EML6: variants seen among roughly 807,000 people sequenced by gnomAD.
The protein encoded by EML6 is echinoderm microtubule-associated protein-like 6.
In EML6, 154 loss-of-function variants were observed where a neutral mutation model predicts 240.1. The observed-to-expected ratio is 0.64, with a 90% CI of 0.56 to 0.73. The LOEUF (loss-of-function observed/expected upper bound fraction) is 0.73. Among genes scored for constraint, EML6 ranks in the 30% least tolerant of loss-of-function variants. The probability of loss-of-function intolerance (pLI) is 0.00; values close to 1 mark genes in which losing one functional copy is unlikely to be tolerated. For synonymous variants in EML6, 1,148 were observed against 899.0 expected (o/e 1.28, Z -4.95); for missense variants, 2,964 against 2,474.6 (o/e 1.20, Z -4.20).
intron 28 of EML6, among the ~76,000 whole-genome samples, chr2:54,941,567 G>T (rs949786667): frequency 2.6e-5 from 4 of 152,224 alleles, no homozygotes; most frequent in Admixed American, 2.6e-4. Flanking sequence ...ACCATATAGA[G>T]ATTGATGAAA....
chr2:54,733,308 A>T (rs1244212884), intron 2 of EML6, among the ~76,000 whole-genome samples: 2 of 152,192 alleles, frequency 1.3e-5, no homozygotes, highest in East Asian at 3.8e-4. Context: ...CCAGGAAAAC[A>T]TTTTTCTGTG....
At chr2:54,950,388 C>T (rs1675913566) in intron 29 of EML6, among the ~76,000 whole-genome samples, 1 of 152,216 alleles carries the variant, frequency 6.6e-6, no homozygotes, top group Admixed American at 6.5e-5. Flanking sequence ...ACTGACAGAG[C>T]CAGGAAGTAA....
chr2:54,869,755 A>G (rs984940915), intron 15 of EML6, among the ~76,000 whole-genome samples: 3 of 152,208 alleles, frequency 2.0e-5, no homozygotes, highest in Admixed American at 6.5e-5. Context: ...GTATAATTAT[A>G]TTTGTAAGAC....
In EML6 at chr2:54,972,017, G is replaced by A. The variant is rs545697871; in HGVS notation, c.*1922G>A. On this transcript the variant is annotated 3_prime_UTR_variant, in exon 42 of 42. Coordinates refer to ENST00000356458, the MANE Select transcript of EML6 (RefSeq NM_001039753.4). ...TATGTGTCAAATAAAATTTGATTAT[G>A]TAAACACATTTGTTGACTTTTGTTT... The A allele has an allele frequency of 6.6e-6, 1 of 151,654 alleles. No individual in the cohort carries two copies. Among genetic ancestry groups the A allele is most frequent in the African/African-American group, 2.4e-5 (1 of 41,528 alleles). The allele number at this position is 151,654 out of a possible 1,614,324, so 9.4% of individuals were successfully genotyped here. A position where few individuals can be genotyped will look rare whatever the true frequency, so the allele number is the denominator to read the frequency against.
chr2:54,821,855 T>G (rs1219752116), intron 5 of EML6, among the ~76,000 whole-genome samples: 1 of 152,042 alleles, frequency 6.6e-6, no homozygotes, highest in Non-Finnish European at 1.5e-5. Flanking sequence ...AACTATAAAA[T>G]AACTAGAGGA....
intron 2 of EML6, among the ~76,000 whole-genome samples, chr2:54,799,013 A>G (rs149094322): frequency 6.6e-6 from 1 of 152,328 alleles, no homozygotes; most frequent in Non-Finnish European, 1.5e-5. Context: ...CAGCAAATCT[A>G]CATCTATTGA....
intron 2 of EML6, among the ~76,000 whole-genome samples, chr2:54,793,898 A>G (rs1165054720): frequency 6.6e-6 from 1 of 152,122 alleles, no homozygotes; most frequent in Non-Finnish European, 1.5e-5. Context: ...TCAATAGCCT[A>G]CTAGGAGACA....
chr2:54,731,621 A>AG (rs145531196), intron 2 of EML6, among the ~76,000 whole-genome samples: 2 of 151,454 alleles, frequency 1.3e-5, no homozygotes, highest in Non-Finnish European at 2.9e-5. Flanking sequence ...TGTCAAAAAA[A>AG]ATATATATAT....
At chr2:54,911,632 T>A (rs1246686475) in intron 25 of EML6, among the ~76,000 whole-genome samples, 1 of 152,096 alleles carries the variant, frequency 6.6e-6, no homozygotes, top group Non-Finnish European at 1.5e-5. Flanking sequence ...AGATGGGGTT[T>A]CCCCATGTTG....
chr2:54,953,905 C>A, intron 31 of EML6, 78 bp from the exon 32 acceptor site: 17 of 984,314 alleles, frequency 1.7e-5, no homozygotes, highest in Non-Finnish European at 2.3e-5. Context: ...AAAAAAAAGG[C>A]TTTTACATGA....
At chr2:54,743,942 G>T (rs1302011883) in intron 2 of EML6, among the ~76,000 whole-genome samples, 1 of 152,116 alleles carries the variant, frequency 6.6e-6, no homozygotes, top group East Asian at 1.9e-4. Flanking sequence ...TGACTAGTGG[G>T]GTTTTGGAAG....
chr2:54,970,262 T>C lies in EML6; in HGVS notation c.*167T>C. On this transcript the variant is annotated 3_prime_UTR_variant, in exon 42 of 42. Coordinates refer to ENST00000356458, the MANE Select transcript of EML6 (RefSeq NM_001039753.4). ...AAGTTACACAACTGCTCCCATAATC[T>C]GGACTCTCCAAAACCGTGATGCCAC... The C allele has an allele frequency of 1.5e-6, 1 of 688,866 alleles. No individual in the cohort carries two copies. The highest frequency in any genetic ancestry group is 2.7e-5 in the East Asian group (1 of 36,724). The allele number at this position is 688,866 out of a possible 1,614,324, so 42.7% of individuals were successfully genotyped here.
intron 2 of EML6, among the ~76,000 whole-genome samples, chr2:54,793,867 T>C (rs1001811069): frequency 2.6e-5 from 4 of 152,106 alleles, no homozygotes; most frequent in African/African-American, 9.7e-5. Context: ...CTAGGTCTTT[T>C]CTCTTCCTTC....
chr2:54,797,175 A>AACAACAAC lies in EML6; in HGVS notation c.198-16056_198-16055insCAACAACA, dbSNP rs1217461178. Among the ~76,000 whole-genome samples, 51 of 141,782 alleles carry AACAACAAC rather than the reference A, an allele frequency of 3.6e-4. 1 individual carries two copies. The highest frequency in any genetic ancestry group is 1.2e-3 in the African/African-American group (47 of 39,968). The allele number at this position is 141,782 out of a possible 152,430, so 93.0% of individuals were successfully genotyped here. On this transcript the variant is annotated intron_variant, in intron 2 of 41. Coordinates refer to ENST00000356458, the MANE Select transcript of EML6 (RefSeq NM_001039753.4). ...GCAAGACTCCATCTCAAAAAAAAAA[A>AACAACAAC]AAAAAAAAAAAAAACTGTGATCTTG... is the stretch of plus-strand genomic sequence containing the variant.
intron 26 of EML6, among the ~76,000 whole-genome samples, chr2:54,925,741 A>C (rs1261355551): frequency 1.3e-5 from 2 of 152,206 alleles, no homozygotes; most frequent in African/African-American, 4.8e-5. Context: ...CCATTTTTGT[A>C]GTACCTTAAA....
At chr2:54,816,529 G>C (rs1372627796) in intron 3 of EML6, among the ~76,000 whole-genome samples, 1 of 152,138 alleles carries the variant, frequency 6.6e-6, no homozygotes, top group Admixed American at 6.5e-5. Context: ...GAGATCTCCT[G>C]AGAGTTTATA....
At chr2:54,832,334 C>T (rs1000013851) in intron 7 of EML6, among the ~76,000 whole-genome samples, 1 of 152,182 alleles carries the variant, frequency 6.6e-6, no homozygotes, top group Non-Finnish European at 1.5e-5. Flanking sequence ...GCCATTATTG[C>T]ACTGAAGCAA....
chr2:54,855,738 A>T (rs1670340854), intron 11 of EML6, among the ~76,000 whole-genome samples: 1 of 152,196 alleles, frequency 6.6e-6, no homozygotes, highest in African/African-American at 2.4e-5. Context: ...TCTACTTTTC[A>T]TGACACATGG....
At chr2:54,968,564 TGAAG>T in intron 40 of EML6, 100 bp from the exon 41 acceptor site, 1 of 752,834 alleles carries the variant, frequency 1.3e-6, no homozygotes, top group Admixed American at 2.1e-5. Flanking sequence ...AAGTCCCCAG[TGAAG>T]GAAGGTTCTG....
Sources: allele counts gnomAD v4.1 joint callset (sites outside exome capture counted in the v4.1 genomes callset), GRCh38; gene constraint gnomAD v4.1.1; transcripts MANE v1.5; gene names NCBI Gene and HGNC (gene_info 2026-07-23, HGNC 2026-07-21).